Variants in PSG6 observed in about 807,000 individuals in gnomAD.
The protein encoded by PSG6 is pregnancy-specific beta-1-glycoprotein 6.
A neutral mutation model predicts 43.3 loss-of-function variants in PSG6; 51 were observed. The ratio of observed to expected loss-of-function variants is 1.18; its 90% CI spans 0.94 to 1.49. PSG6 has a LOEUF of 1.49. Among genes scored for constraint, PSG6 ranks in the 40% most tolerant of loss-of-function variants. The pLI, the probability that PSG6 is intolerant of heterozygous loss-of-function variation, is 0.00. For synonymous variants in PSG6, 292 were observed against 197.6 expected (o/e 1.48, Z -4.01); for missense variants, 770 against 522.2 (o/e 1.47, Z -4.62).
chr19:42,908,630 C>A (rs760613237), intron 3 of PSG6, among the ~76,000 whole-genome samples: 1 of 151,672 alleles, frequency 6.6e-6, no homozygotes. Context: ...CAGGTGAGGA[C>A]CATGTGGATC....
intron 3 of PSG6, chr19:42,910,207 T>C (rs10405430): frequency 0.16 from 64,190 of 399,946 alleles, 7,614 homozygotes; most frequent in East Asian, 0.42. Flanking sequence ...CAGGCGATAT[T>C]GTCAGAGGGA....
intron 2 of PSG6, among the ~76,000 whole-genome samples, chr19:42,912,298 A>T (rs755701140): frequency 5.9e-5 from 9 of 151,624 alleles, no homozygotes; most frequent in Non-Finnish European, 1.3e-4. Context: ...TTCTGACTCT[A>T]GTAACAAAAA....
At chr19:42,909,679 T>C (rs1007533982) in intron 3 of PSG6, 2 of 151,820 alleles carry the variant, frequency 1.3e-5, no homozygotes, top group Non-Finnish European at 2.9e-5. Context: ...GATGTTAATG[T>C]GAATTGAAAT....
rs1424214686 is a variant in PSG6, at chr19:42,910,660, T to C, written c.626A>G (p.Tyr209Cys). Residue 209 changes from tyrosine (Y) to cysteine (C), a missense_variant, in exon 3 of 6, where the codon TAT becomes TGT. By Grantham distance (194) the Tyr-to-Cys change is radical. Transcript: ENST00000187910. ...RTLYLFGVTKYIAGPYECEIR... is the reference protein window; with the variant it reads ...RTLYLFGVTKCIAGPYECEIR... ...TTCACATTCATAGGGTCCTGCAATA[T>C]ACTTTGTGACACCAAATAGATAGAG... 1.2e-5 allele frequency: 20 copies of C among 1,612,376 alleles called. 1 individual carries two copies. The highest frequency in any genetic ancestry group is 2.7e-5 in the African/African-American group (2 of 74,816).
chr19:42,910,956 A>G, intron 2 of PSG6, 98 bp from the exon 3 acceptor site: 4 of 1,517,856 alleles, frequency 2.6e-6, no homozygotes, highest in Non-Finnish European at 3.5e-6. Context: ...CTCTCAGCCC[A>G]CCCAAGTCCT....
chr19:42,902,543 G>A (rs1363181432), intron 5 of PSG6, 97 bp from the exon 6 acceptor site: 2 of 1,529,948 alleles, frequency 1.3e-6, no homozygotes, highest in South Asian at 1.2e-5. Flanking sequence ...GGGTGTGAAA[G>A]CAAGTCTAGT....
intron 2 of PSG6, among the ~76,000 whole-genome samples, chr19:42,913,228 G>A (rs2122640985): frequency 6.6e-6 from 1 of 151,574 alleles, no homozygotes; most frequent in South Asian, 2.1e-4. Flanking sequence ...TCAGCTCACT[G>A]CAAGCTCCAC....
chr19:42,910,525 G>A, intron 3 of PSG6, 55 bp downstream of exon 3: 3 of 1,612,470 alleles, frequency 1.9e-6, no homozygotes, highest in Non-Finnish European at 1.7e-6. Flanking sequence ...CCTGGCCTCT[G>A]GCCACTTGTA....
At chr19:42,911,626 G>A (rs1351480835) in intron 2 of PSG6, among the ~76,000 whole-genome samples, 2 of 151,852 alleles carry the variant, frequency 1.3e-5, no homozygotes, top group Non-Finnish European at 2.9e-5. Context: ...GGGCAGTTGA[G>A]GACCATATGG....
Position 42,907,161 on chromosome 19 carries a change from G to T in PSG6, c.1001C>A (p.Pro334His). The T allele has an allele frequency of 6.2e-7, 1 of 1,612,506 alleles. No homozygotes were observed. Among genetic ancestry groups the T allele is most frequent in the Non-Finnish European group, 8.5e-7 (1 of 1,179,138 alleles). ...ATAGGTGAATGAAGGGTAAATTCTG[G>T]GGAGGTCTGGACCATCTGGAGGAAA... ...TLNVLYGPDL[P>H]RIYPSFTYYR... The change falls in exon 5 of 6, where the codon CCC (proline) becomes CAC (histidine). Residue 334 changes from proline to histidine, a missense_variant. Physicochemically the swap from Pro to His is moderately conservative, Grantham distance 77. Transcript: ENST00000187910.
rs182463935 is a variant in PSG6 at position 42,915,743 on chromosome 19, C to T, written c.427+382G>A. ...TAGGGACAGGGGTCTGGGATTGAGG[C>T]TTCCAGAGCTGAGGTTCTCTGAGGG... On this transcript the variant is annotated intron_variant, in intron 2 of 5. Transcript: ENST00000187910. The T allele has an allele frequency of 1.4e-3, 490 of 344,226 alleles. 10 individuals are homozygous for T. The highest frequency in any genetic ancestry group is 8.1e-3 in the African/African-American group (388 of 47,998). The allele number at this position is 344,226 out of a possible 1,614,324, so 21.3% of individuals were successfully genotyped here. A position where few individuals can be genotyped will look rare whatever the true frequency, so the allele number is the denominator to read the frequency against.
At chr19:42,903,649 G>C in intron 5 of PSG6, 1 of 1,523,280 alleles carries the variant, frequency 6.6e-7, no homozygotes. Context: ...TAGCACTTTG[G>C]GAGGTCACAG....
chr19:42,914,953 C>T (rs56933784), intron 2 of PSG6, among the ~76,000 whole-genome samples: 4,491 of 151,598 alleles, frequency 0.03, 291 homozygotes, highest in African/African-American at 0.1. Context: ...CTGACTCTGG[C>T]GGTTGAAGCC....
intron 3 of PSG6, chr19:42,910,123 CT>C (rs1972190369): frequency 4.2e-6 from 1 of 237,860 alleles, no homozygotes. Context: ...GGGACTTCCC[CT>C]GTATGGTAAT....
At chr19:42,903,336 T>C (rs1051690195) in intron 5 of PSG6, among the ~76,000 whole-genome samples, 3 of 151,390 alleles carry the variant, frequency 2.0e-5, no homozygotes, top group Admixed American at 1.3e-4. Context: ...AACTCTTACA[T>C]TAAAAAAGAA....
In PSG6 at chr19:42,910,687, G is replaced by T. The variant is rs1568444893; in HGVS notation, c.599C>A (p.Thr200Asn). Residue 200 changes from threonine (T) to asparagine (N), a missense_variant, in exon 3 of 6, where the codon ACC becomes AAC. Transcript: ENST00000187910. ...CTTTGTGACACCAAATAGATAGAGG[G>T]TCCTGTTGGTTTTGGACAGCTGCAA... Reference protein sequence around the residue: ...HRLQLSKTNRTLYLFGVTKYI... With the variant: ...HRLQLSKTNRNLYLFGVTKYI... 1 of 1,612,198 alleles carries T rather than the reference G, an allele frequency of 6.2e-7. No individual in the cohort carries two copies. The highest frequency in any genetic ancestry group is 1.3e-5 in the African/African-American group (1 of 74,690).
chr19:42,916,100 C>T, intron 2 of PSG6, 25 bp downstream of exon 2: 2 of 1,608,298 alleles, frequency 1.2e-6, no homozygotes, highest in South Asian at 1.1e-5. Flanking sequence ...CCCCCAACAC[C>T]CAGGGATCAT....
intron 3 of PSG6, among the ~76,000 whole-genome samples, chr19:42,908,681 A>G (rs1972163837): frequency 6.6e-6 from 1 of 151,656 alleles, no homozygotes; most frequent in African/African-American, 2.4e-5. Flanking sequence ...TGCAGAACTG[A>G]GTGGTGGAAA....
intron 3 of PSG6, 140 bp downstream of exon 3, chr19:42,910,440 G>A (rs761138048): frequency 1.2e-6 from 2 of 1,600,846 alleles, no homozygotes; most frequent in Admixed American, 3.3e-5. Context: ...GGTTTGCCTG[G>A]AGCAGAAAGT....
Sources: gnomAD v4.1 joint callset for allele counts (sites outside exome capture counted in the v4.1 genomes callset) on GRCh38, gnomAD v4.1.1 for gene constraint, MANE v1.5 for transcripts, NCBI Gene and HGNC (gene_info 2026-07-23, HGNC 2026-07-21) for gene names.